APBB2: variants seen among roughly 807,000 people sequenced by gnomAD.
The protein encoded by APBB2 is amyloid beta precursor protein binding family B member 2, also known as Fe65-like 1.
In APBB2, 38 loss-of-function variants were observed where a neutral mutation model predicts 82.5. That is an observed-to-expected ratio of 0.46 (90% CI 0.36 to 0.60). The LOEUF is 0.60. Ranked by LOEUF, APBB2 falls within the 20% of genes least tolerant of loss-of-function variation. The probability of loss-of-function intolerance (pLI) is 0.00; values close to 1 mark genes in which losing one functional copy is unlikely to be tolerated. For synonymous variants in APBB2, 341 were observed against 368.2 expected, an observed-to-expected ratio of 0.93 and a Z score of 0.85; for missense variants, 772 against 972.3, an observed-to-expected ratio of 0.79 and a Z score of 2.74.
At chr4:41,185,278 T>A (rs1772585896) in intron 1 of APBB2, among the ~76,000 whole-genome samples, 3 of 152,080 alleles carry the variant, frequency 2.0e-5, no homozygotes, top group Admixed American at 2.0e-4. Context: ...CTGTGTGAGG[T>A]TTCTAAAATG....
intron 2 of APBB2, among the ~76,000 whole-genome samples, chr4:41,107,628 G>A (rs55703513): frequency 0.07 from 10,687 of 152,236 alleles, 534 homozygotes; most frequent in Non-Finnish European, 0.1. Flanking sequence ...GGAGAGTTCT[G>A]GCAGACCAGC....
At chr4:40,867,329 T>C (rs1417042941) in intron 12 of APBB2, among the ~76,000 whole-genome samples, 10 of 152,240 alleles carry the variant, frequency 6.6e-5, no homozygotes, top group Non-Finnish European at 1.0e-4. Flanking sequence ...TTTGTATAGC[T>C]ACTAACATCT....
chr4:40,870,384 G>A lies in APBB2; in HGVS notation c.1529+19980C>T, dbSNP rs1765152828. On this transcript the variant is annotated intron_variant, in intron 12 of 17. Transcript: ENST00000508593. The stretch of plus-strand genomic sequence containing the variant: ...CTCCCATTTAATATCTTACAACCAA[G>A]CTGCATCGGGGTTCCAAAGCTTCCA... Among the ~76,000 whole-genome samples the A allele has an allele frequency of 2.6e-5, 4 of 152,292 alleles. No individual in the cohort carries two copies. In the South Asian group the frequency reaches 8.3e-4, roughly 32 times the overall value.
At chr4:41,032,225 C>T (rs971023478) in intron 5 of APBB2, among the ~76,000 whole-genome samples, 3 of 152,110 alleles carry the variant, frequency 2.0e-5, no homozygotes, top group African/African-American at 7.2e-5. Context: ...TATTTAAAAA[C>T]TCAGAACTTG....
intron 12 of APBB2, among the ~76,000 whole-genome samples, chr4:40,854,690 G>C (rs906558153): frequency 1.3e-5 from 2 of 151,546 alleles, no homozygotes; most frequent in African/African-American, 2.4e-5. Context: ...TCGGGAGGCT[G>C]AGGCAGGAGA....
intron 10 of APBB2, among the ~76,000 whole-genome samples, chr4:40,907,379 ATTTTTTTTTT>A (rs55814804): frequency 2.5e-3 from 95 of 37,392 alleles, no homozygotes; most frequent in African/African-American, 0.011. Context: ...ATATATATAT[ATTTTTTTTTT>A]TTTTTTTTTT....
chr4:40,826,949 C>T lies in APBB2; in HGVS notation c.1732+183G>A. ...AAACTCATCCTGGCTTTATGCCTAACCCTAGTGATGCAAAATCAACTCTGT... is the reference window on the plus strand; with the variant it reads ...AAACTCATCCTGGCTTTATGCCTAATCCTAGTGATGCAAAATCAACTCTGT... On this transcript the variant is annotated intron_variant, in intron 14 of 17. Transcript: ENST00000508593. This position sits in a 1 kb window ranked among gnomAD's most constrained non-coding sequence, Gnocchi z 4.5. 3.5e-6 allele frequency: 2 copies of T among 579,380 alleles called. No homozygotes were observed. The highest frequency in any genetic ancestry group is 6.2e-6 in the Non-Finnish European group (2 of 323,988). 35.9% of individuals were successfully genotyped at this position (579,380 alleles called of 1,614,324 possible). A position where few individuals can be genotyped will look rare whatever the true frequency, so the allele number is the denominator to read the frequency against.
intron 10 of APBB2, among the ~76,000 whole-genome samples, chr4:40,904,862 A>C (rs73150528): frequency 0.039 from 5,900 of 152,052 alleles, 372 homozygotes; most frequent in African/African-American, 0.13. Context: ...GTGGCCAGGG[A>C]GGACCCAGAG....
chr4:41,181,597 A>T (rs993488060), intron 1 of APBB2, among the ~76,000 whole-genome samples: 1 of 152,190 alleles, frequency 6.6e-6, no homozygotes, highest in African/African-American at 2.4e-5. Flanking sequence ...CTCCTTAAGA[A>T]CTCAGTATTA....
At chr4:40,943,174 C>A (rs545914972) in intron 7 of APBB2, among the ~76,000 whole-genome samples, 151 of 152,318 alleles carry the variant, frequency 9.9e-4, no homozygotes, top group African/African-American at 3.5e-3. Flanking sequence ...GATTCAGGAA[C>A]TCTGAGCTCT....
At chr4:41,176,561 C>T (rs1769836861) in intron 1 of APBB2, among the ~76,000 whole-genome samples, 1 of 152,018 alleles carries the variant, frequency 6.6e-6, no homozygotes, top group Non-Finnish European at 1.5e-5. Flanking sequence ...TTATGAGACA[C>T]TGCAAAACAT....
chr4:40,871,295 C>T lies in APBB2; in HGVS notation c.1529+19069G>A, dbSNP rs1765454632. ...GAGTAGCTGGGACTACAGGCAAGAGCCATCATCCCCAGTTAGTTTTTGTAT... is the reference window on the plus strand; with the variant it reads ...GAGTAGCTGGGACTACAGGCAAGAGTCATCATCCCCAGTTAGTTTTTGTAT... On this transcript the variant is annotated intron_variant, in intron 12 of 17. Transcript: ENST00000508593. Among the ~76,000 whole-genome samples the T allele has an allele frequency of 2.0e-5, 3 of 152,184 alleles. No homozygotes were observed. In the South Asian group the frequency reaches 6.2e-4, roughly 32 times the overall value.
chr4:40,981,084 T>A (rs550737798), intron 6 of APBB2, among the ~76,000 whole-genome samples: 63 of 152,274 alleles, frequency 4.1e-4, no homozygotes, highest in South Asian at 2.1e-3. Context: ...AGCCCATCCT[T>A]TTATAAATGA....
intron 1 of APBB2, chr4:41,177,732 C>T (rs1770213628): frequency 6.6e-6 from 1 of 152,196 alleles, no homozygotes; most frequent in African/African-American, 2.4e-5. Flanking sequence ...ATGGTCTCAA[C>T]AGTGGTTGTT....
chr4:40,900,473 T>A (rs1294155782), intron 10 of APBB2, among the ~76,000 whole-genome samples: 1 of 149,116 alleles, frequency 6.7e-6, no homozygotes, highest in Non-Finnish European at 1.5e-5. Flanking sequence ...TTTTTTTTTT[T>A]AAGATGGAGT....
intron 2 of APBB2, among the ~76,000 whole-genome samples, chr4:41,117,142 G>A (rs915664739): frequency 6.6e-6 from 1 of 151,872 alleles, no homozygotes; most frequent in African/African-American, 2.4e-5. Context: ...TCACATCACA[G>A]GTATCACATT....
intron 12 of APBB2, among the ~76,000 whole-genome samples, chr4:40,849,240 A>G (rs11943032): frequency 0.028 from 4,332 of 152,324 alleles, 113 homozygotes; most frequent in Non-Finnish European, 0.039. Flanking sequence ...AATAAAACAT[A>G]TATTTCATCT....
chr4:40,924,994 C>T (rs992990021), intron 10 of APBB2, among the ~76,000 whole-genome samples: 1 of 152,010 alleles, frequency 6.6e-6, no homozygotes, highest in Admixed American at 6.6e-5. Flanking sequence ...AGTATGGTGG[C>T]GGGGGGAGAG....
intron 6 of APBB2, among the ~76,000 whole-genome samples, chr4:40,968,880 G>A (rs1392920032): frequency 6.6e-6 from 1 of 152,136 alleles, no homozygotes. Context: ...TGTTCTGGGA[G>A]GGACCTGGTG....
Sources: allele counts gnomAD v4.1 joint callset (sites outside exome capture counted in the v4.1 genomes callset), GRCh38; gene constraint gnomAD v4.1.1; non-coding constraint Gnocchi (gnomAD v3.1); transcripts MANE v1.5; gene names NCBI Gene and HGNC (gene_info 2026-07-23, HGNC 2026-07-21).